The following NUBPL variants were observed in gnomAD, a reference collection of about 807,000 sequenced individuals.
NUBPL encodes the protein iron-sulfur cluster transfer protein NUBPL.
Under a neutral mutation model 45.7 loss-of-function variants are expected in NUBPL, and 31 were observed. The ratio of observed to expected loss-of-function variants is 0.68; its 90% CI spans 0.51 to 0.92. NUBPL has a LOEUF of 0.92. Among genes scored for constraint, NUBPL ranks in the 40% least tolerant of loss-of-function variants. The pLI, the probability that NUBPL is intolerant of heterozygous loss-of-function variation, is 0.00. For synonymous variants in NUBPL, 144 were observed against 140.9 expected (o/e 1.02, Z -0.15); for missense variants, 401 against 398.7 (o/e 1.01, Z -0.05).
chr14:31,651,348 G>A (rs2035999116), intron 4 of NUBPL, among the ~76,000 whole-genome samples: 1 of 152,088 alleles, frequency 6.6e-6, no homozygotes, highest in African/African-American at 2.4e-5. Context: ...ACAGGAGTGA[G>A]CCACCACACC....
rs1261104211 is a variant in NUBPL, at chr14:31,787,987, T to C, written c.607+114T>C. On this transcript the variant is annotated intron_variant, in intron 7 of 10. Transcript: ENST00000281081. ...TTTTGCCTTAAAAATATTCATTCAC[T>C]TATAAATTTTTCATTAGAGATCAGA... 7 of 688,480 alleles carry C rather than the reference T, an allele frequency of 1.0e-5. No homozygotes were observed. The Admixed American group carries it at 1.6e-4, about 16-fold the overall frequency. 42.6% of individuals were successfully genotyped at this position (688,480 alleles called of 1,614,324 possible).
intron 7 of NUBPL, among the ~76,000 whole-genome samples, chr14:31,817,734 A>G (rs991434199): frequency 2.0e-5 from 3 of 152,266 alleles, no homozygotes; most frequent in African/African-American, 4.8e-5. Flanking sequence ...CATTGACACT[A>G]TGAAGAAACT....
intron 6 of NUBPL, among the ~76,000 whole-genome samples, chr14:31,775,731 C>T (rs2039087239): frequency 6.6e-6 from 1 of 152,222 alleles, no homozygotes. Flanking sequence ...CACAGGGCAT[C>T]TCTGGAGTAC....
intron 7 of NUBPL, among the ~76,000 whole-genome samples, chr14:31,799,157 C>T: frequency 6.6e-6 from 1 of 152,038 alleles, no homozygotes; most frequent in Non-Finnish European, 1.5e-5. Context: ...TAGAGGCAGA[C>T]CTGTCCATAC....
intron 4 of NUBPL, among the ~76,000 whole-genome samples, chr14:31,668,838 C>A (rs745916521): frequency 2.6e-5 from 4 of 152,178 alleles, no homozygotes; most frequent in Non-Finnish European, 4.4e-5. Context: ...TGACACCCCA[C>A]GCTGCTTCTG....
At chr14:31,640,257 CTACTT>C (rs2035647218) in intron 4 of NUBPL, among the ~76,000 whole-genome samples, 1 of 152,068 alleles carries the variant, frequency 6.6e-6, no homozygotes, top group South Asian at 2.1e-4. Flanking sequence ...GTTCTTTACA[CTACTT>C]TACTTCTTTA....
intron 6 of NUBPL, among the ~76,000 whole-genome samples, chr14:31,694,184 G>A (rs1330584655): frequency 2.0e-5 from 3 of 152,118 alleles, no homozygotes; most frequent in Non-Finnish European, 4.4e-5. Context: ...ATATAATATA[G>A]TTCAGTTATT....
chr14:31,612,704 A>G (rs1736576221), intron 4 of NUBPL, among the ~76,000 whole-genome samples: 1 of 152,148 alleles, frequency 6.6e-6, no homozygotes, highest in Non-Finnish European at 1.5e-5. Flanking sequence ...AAAGGTGCTC[A>G]ACATTACTGA....
At chr14:31,782,461 ATTT>A (rs1334612741) in intron 6 of NUBPL, among the ~76,000 whole-genome samples, 1 of 152,102 alleles carries the variant, frequency 6.6e-6, no homozygotes, top group African/African-American at 2.4e-5. Context: ...ATAAATTAGA[ATTT>A]TTAACTCTTA....
intron 7 of NUBPL, among the ~76,000 whole-genome samples, chr14:31,811,499 T>G (rs1271307028): frequency 6.6e-6 from 1 of 152,180 alleles, no homozygotes; most frequent in Non-Finnish European, 1.5e-5. Context: ...CTGCACTGTT[T>G]ATTCAGTTAG....
intron 3 of NUBPL, among the ~76,000 whole-genome samples, chr14:31,585,070 C>A (rs533221620): frequency 6.6e-6 from 1 of 152,248 alleles, no homozygotes; most frequent in African/African-American, 2.4e-5. Flanking sequence ...AGGAGTCATA[C>A]AATATGTGCT....
At chr14:31,566,360 T>C (rs2033433446) in intron 3 of NUBPL, among the ~76,000 whole-genome samples, 1 of 152,152 alleles carries the variant, frequency 6.6e-6, no homozygotes, top group South Asian at 2.1e-4. Context: ...ACAGGTAGCA[T>C]AAAAGGACTT....
chr14:31,802,698 T>C (rs757629513), intron 7 of NUBPL, among the ~76,000 whole-genome samples: 2 of 152,152 alleles, frequency 1.3e-5, no homozygotes, highest in Admixed American at 1.3e-4. Context: ...TCCTTATAAA[T>C]TAATTACCCA....
chr14:31,738,368 C>T (rs543506352), intron 6 of NUBPL, among the ~76,000 whole-genome samples: 14 of 152,150 alleles, frequency 9.2e-5, no homozygotes, highest in Non-Finnish European at 5.9e-5. Flanking sequence ...GTGATTATGT[C>T]ATGTGAATTT....
At chr14:31,653,551 G>C (rs1352848442) in intron 4 of NUBPL, among the ~76,000 whole-genome samples, 1 of 152,202 alleles carries the variant, frequency 6.6e-6, no homozygotes. Flanking sequence ...CCCGCAGGCA[G>C]TCAGACCTTA....
chr14:31,790,031 C>T (rs557360547), intron 7 of NUBPL, among the ~76,000 whole-genome samples: 146 of 151,950 alleles, frequency 9.6e-4, no homozygotes, highest in African/African-American at 3.4e-3. Context: ...CTTGGAATGC[C>T]TTTTGCAAGC....
chr14:31,818,154 C>G (rs971581492), intron 7 of NUBPL, among the ~76,000 whole-genome samples: 2 of 152,086 alleles, frequency 1.3e-5, no homozygotes, highest in Non-Finnish European at 2.9e-5. Context: ...TAAAGGAGCA[C>G]CCAGATTCAT....
At chr14:31,714,371 T>C (rs2037640946) in intron 6 of NUBPL, among the ~76,000 whole-genome samples, 1 of 152,180 alleles carries the variant, frequency 6.6e-6, no homozygotes, top group South Asian at 2.1e-4. Flanking sequence ...AAGGAATACC[T>C]GAAACTGGGT....
At chr14:31,771,816 C>T (rs2039014431) in intron 6 of NUBPL, 2 of 975,850 alleles carry the variant, frequency 2.0e-6, no homozygotes, top group South Asian at 4.7e-5. Flanking sequence ...CATTTACCAG[C>T]CCATTTCCAC....
Sources: allele counts gnomAD v4.1 joint callset (sites outside exome capture counted in the v4.1 genomes callset), GRCh38; gene constraint gnomAD v4.1.1; transcripts MANE v1.5; gene names NCBI Gene and HGNC (gene_info 2026-07-23, HGNC 2026-07-21).